The following SPATA6 variants were observed in gnomAD, a reference collection of about 807,000 sequenced individuals.
The protein encoded by SPATA6 is spermatogenesis associated 6, also known as spermatogenesis-associated protein 6.
Under a neutral mutation model 65.3 loss-of-function variants are expected in SPATA6, and 56 were observed. The ratio of observed to expected loss-of-function variants is 0.86; its 90% CI spans 0.69 to 1.07. The LOEUF is 1.07. SPATA6 is among the 50% of genes least tolerant of loss of function. SPATA6 has a pLI of 0.00. For missense variants in SPATA6, 590 were observed against 594.8 expected, an observed-to-expected ratio of 0.99 and a Z score of 0.08; for synonymous variants, 199 against 213.2, an observed-to-expected ratio of 0.93 and a Z score of 0.58.
At chr1:48,321,093 A>G (rs1645586176) in intron 11 of SPATA6, among the ~76,000 whole-genome samples, 1 of 152,178 alleles carries the variant, frequency 6.6e-6, no homozygotes, top group African/African-American at 2.4e-5. Context: ...GGAAGACAGG[A>G]AGAAAAGAAG....
At chr1:48,280,430 T>C in the SPATA6 span, among the ~76,000 whole-genome samples, 6 of 151,812 alleles carry the variant, frequency 4.0e-5, no homozygotes, top group African/African-American at 1.2e-4. Flanking sequence ...ATAGATAGAC[T>C]GCTAGCAAGA....
the SPATA6 span, among the ~76,000 whole-genome samples, chr1:48,269,920 G>C: frequency 6.6e-6 from 1 of 151,784 alleles, no homozygotes; most frequent in African/African-American, 2.4e-5. Context: ...TTAGTGAAGA[G>C]TTATTTTCAT....
At chr1:48,349,756 T>C (rs1646466865) in intron 11 of SPATA6, among the ~76,000 whole-genome samples, 1 of 151,908 alleles carries the variant, frequency 6.6e-6, no homozygotes, top group South Asian at 2.1e-4. Flanking sequence ...TTCTTTCACT[T>C]AAGCTGTATT....
intron 12 of SPATA6, among the ~76,000 whole-genome samples, chr1:48,303,365 C>T (rs990435202): frequency 2.6e-5 from 4 of 152,018 alleles, no homozygotes; most frequent in African/African-American, 9.7e-5. Flanking sequence ...AACTCTAGAA[C>T]TTAACCCTTC....
At chr1:48,419,000 C>T (rs954601681) in intron 3 of SPATA6, among the ~76,000 whole-genome samples, 24 of 152,116 alleles carry the variant, frequency 1.6e-4, no homozygotes, top group African/African-American at 5.6e-4. Flanking sequence ...TATACTAACA[C>T]TATATTTTTC....
At position 48,399,383 on chromosome 1, in the gene SPATA6, CT is replaced by C. The variant is rs1557664553; in HGVS notation, c.747del (p.Glu250LysfsTer8). 2 of 1,612,798 alleles carry C rather than the reference CT, an allele frequency of 1.2e-6. No individual in the cohort carries two copies. The highest frequency in any genetic ancestry group is 1.7e-6 in the Non-Finnish European group (2 of 1,179,274). ...ATCACAAATGGAGGTTTATCTGTTT[CT>C]TTTTTGAACTCATAGGGTCCCAGAT... ...HLNLGPYEFKKETDKPPFVIR... is the reference protein window; with the variant it reads ...HLNLGPYEFKXETDKPPFVIR... On this transcript the variant is annotated frameshift_variant, in exon 7 of 13. Coordinates refer to ENST00000371847, the MANE Select transcript of SPATA6 (RefSeq NM_019073.4). LOFTEE classifies it high-confidence loss of function.
intron 11 of SPATA6, among the ~76,000 whole-genome samples, chr1:48,313,452 T>C (rs955726762): frequency 2.6e-5 from 4 of 152,094 alleles, no homozygotes; most frequent in African/African-American, 9.7e-5. Flanking sequence ...CTAAGCTTCA[T>C]AAGTGAAGGA....
At chr1:48,337,806 T>G (rs1646101378) in intron 11 of SPATA6, among the ~76,000 whole-genome samples, 1 of 151,920 alleles carries the variant, frequency 6.6e-6, no homozygotes, top group Non-Finnish European at 1.5e-5. Context: ...AAATGAAAAC[T>G]ATGTCAAATT....
intron 10 of SPATA6, among the ~76,000 whole-genome samples, 189 bp downstream of exon 10, chr1:48,359,396 AG>A (rs1646745635): frequency 6.6e-6 from 1 of 152,240 alleles, no homozygotes; most frequent in Non-Finnish European, 1.5e-5. Flanking sequence ...ACTCACATAT[AG>A]AGAACTGTGC....
At chr1:48,379,467 T>C (rs79788755) in intron 9 of SPATA6, among the ~76,000 whole-genome samples, 3,036 of 152,078 alleles carry the variant, frequency 0.02, 124 homozygotes, top group East Asian at 0.2. Context: ...CAGGGGGACA[T>C]TGGGGTATGG....
intron 9 of SPATA6, among the ~76,000 whole-genome samples, chr1:48,381,879 T>C: frequency 7.4e-6 from 1 of 135,396 alleles, no homozygotes; most frequent in African/African-American, 2.8e-5. Context: ...TGTCCCTGGG[T>C]ACTTAAGATT....
intron 3 of SPATA6, among the ~76,000 whole-genome samples, chr1:48,441,510 T>C (rs566417397): frequency 1.3e-5 from 2 of 152,296 alleles, no homozygotes; most frequent in East Asian, 1.9e-4. Flanking sequence ...ATTATCTACA[T>C]GAATATGGGA....
chr1:48,322,073 GA>G (rs1157310034), intron 11 of SPATA6, among the ~76,000 whole-genome samples: 6 of 151,414 alleles, frequency 4.0e-5, no homozygotes, highest in Middle Eastern at 3.4e-3. Context: ...AAGTAGGTGG[GA>G]AAAAAAAGAC....
intron 8 of SPATA6, among the ~76,000 whole-genome samples, chr1:48,387,406 C>T (rs752167924): frequency 4.6e-5 from 7 of 152,196 alleles, no homozygotes; most frequent in Non-Finnish European, 8.8e-5. Context: ...AGCCCAGCAG[C>T]ACTGGGGCTG....
intron 3 of SPATA6, among the ~76,000 whole-genome samples, chr1:48,414,041 T>C (rs1652526248): frequency 6.6e-6 from 1 of 152,202 alleles, no homozygotes; most frequent in South Asian, 2.1e-4. Flanking sequence ...AATTCAACTT[T>C]TTCTTGTAAT....
At chr1:48,451,099 TATTA>T (rs1656526955) in intron 3 of SPATA6, among the ~76,000 whole-genome samples, 1 of 152,240 alleles carries the variant, frequency 6.6e-6, no homozygotes, top group Non-Finnish European at 1.5e-5. Context: ...TCAAATAATT[TATTA>T]ATGTAATGAA....
At chr1:48,355,504 G>C (rs918708448) in intron 11 of SPATA6, 166 bp downstream of exon 11, 6 of 518,742 alleles carry the variant, frequency 1.2e-5, no homozygotes, top group Middle Eastern at 5.3e-4. Context: ...GGTCAAGCAG[G>C]CATTTAGATA....
chr1:48,456,163 A>G (rs72897223), intron 1 of SPATA6, among the ~76,000 whole-genome samples: 3,767 of 152,338 alleles, frequency 0.025, 101 homozygotes, highest in African/African-American at 0.067. Context: ...GCACCAGGGC[A>G]CAGAAAGCAT....
intron 11 of SPATA6, among the ~76,000 whole-genome samples, chr1:48,313,778 G>C (rs571748773): frequency 6.1e-4 from 93 of 152,256 alleles, no homozygotes; most frequent in Non-Finnish European, 1.1e-3. Flanking sequence ...AGACCCATCA[G>C]TGTGCTGTAC....
Sources: gnomAD v4.1 joint callset for allele counts (sites outside exome capture counted in the v4.1 genomes callset) on GRCh38, gnomAD v4.1.1 for gene constraint, MANE v1.5 for transcripts, NCBI Gene and HGNC (gene_info 2026-07-23, HGNC 2026-07-21) for gene names.